The following NRXN1 variants were observed in gnomAD, a reference collection of about 807,000 sequenced individuals.
NRXN1 encodes the protein neurexin-1.
NRXN1 carries 39 observed loss-of-function variants against 150.9 expected under a neutral mutation model. The observed-to-expected ratio is 0.26, with a 90% CI of 0.20 to 0.34. The LOEUF is 0.34. Among genes scored for constraint, NRXN1 ranks in the 10% least tolerant of loss-of-function variants. The pLI, the probability that NRXN1 is intolerant of heterozygous loss-of-function variation, is 1.00. For synonymous variants in NRXN1, 924 were observed against 757.0 expected (o/e 1.22, Z -3.62); for missense variants, 1,815 against 1,949.9 (o/e 0.93, Z 1.30).
chr2:50,107,822 CTT>C (rs1386283344), intron 18 of NRXN1, among the ~76,000 whole-genome samples: 2 of 151,806 alleles, frequency 1.3e-5, no homozygotes, highest in African/African-American at 4.8e-5. Context: ...CCAATTTAGT[CTT>C]TTAAATATAC....
chr2:49,951,595 C>G (rs1292191871), intron 21 of NRXN1, among the ~76,000 whole-genome samples: 1 of 151,976 alleles, frequency 6.6e-6, no homozygotes, highest in Non-Finnish European at 1.5e-5. Flanking sequence ...CTTTGTTTCG[C>G]TTTTGGACAA....
intron 17 of NRXN1, among the ~76,000 whole-genome samples, chr2:50,256,918 A>G (rs151217755): frequency 2.0e-5 from 3 of 152,218 alleles, no homozygotes; most frequent in Middle Eastern, 3.4e-3. Flanking sequence ...GTACAATCCT[A>G]TCCTAGGACG....
At chr2:50,619,715 A>G in intron 8 of NRXN1, 1 of 400,934 alleles carries the variant, frequency 2.5e-6, no homozygotes, top group East Asian at 3.6e-5. Flanking sequence ...CAAGTAAACC[A>G]TTTAGCTCAA....
chr2:50,655,287 T>A (rs1686263437), intron 5 of NRXN1, among the ~76,000 whole-genome samples: 1 of 152,006 alleles, frequency 6.6e-6, no homozygotes, highest in Non-Finnish European at 1.5e-5. Context: ...TTTCAAGTAT[T>A]AATAAAGAAT....
At chr2:50,844,711 G>T (rs758001049) in intron 5 of NRXN1, among the ~76,000 whole-genome samples, 12 of 152,228 alleles carry the variant, frequency 7.9e-5, no homozygotes, top group African/African-American at 1.2e-4. Flanking sequence ...CTGCTTTTTC[G>T]AATAGTCGGT....
chr2:50,026,496 G>A (rs535052588), intron 21 of NRXN1, among the ~76,000 whole-genome samples: 24 of 152,240 alleles, frequency 1.6e-4, no homozygotes, highest in African/African-American at 5.3e-4. Flanking sequence ...GGCAATGTGA[G>A]ATTTATTTAG....
intron 17 of NRXN1, among the ~76,000 whole-genome samples, chr2:50,263,282 G>C (rs569896869): frequency 2.0e-5 from 3 of 151,816 alleles, no homozygotes; most frequent in Non-Finnish European, 2.9e-5. Context: ...TTATTCCTCA[G>C]ATTTGAAAGT....
chr2:50,389,290 T>G (rs1033693685), intron 17 of NRXN1, among the ~76,000 whole-genome samples: 2 of 149,612 alleles, frequency 1.3e-5, no homozygotes, highest in African/African-American at 4.9e-5. Flanking sequence ...ATGTATCTAG[T>G]ATCAGTCTTC....
intron 5 of NRXN1, among the ~76,000 whole-genome samples, chr2:50,744,270 A>G (rs1285868333): frequency 6.6e-6 from 1 of 152,160 alleles, no homozygotes; most frequent in Non-Finnish European, 1.5e-5. Context: ...AGCTAAGGTA[A>G]TATTTGTAAG....
At chr2:49,929,069 G>A (rs1250045018) in intron 22 of NRXN1, among the ~76,000 whole-genome samples, 2 of 152,130 alleles carry the variant, frequency 1.3e-5, no homozygotes, top group Non-Finnish European at 2.9e-5. Flanking sequence ...TGCATTTGAA[G>A]GGCAGTTAAG....
At chr2:51,031,915 A>C (rs1671633376) in intron 1 of NRXN1, 66 bp downstream of exon 1, 1 of 152,166 alleles carries the variant, frequency 6.6e-6, no homozygotes, top group Non-Finnish European at 1.5e-5. Context: ...TACAATGGGG[A>C]AAGATATCCT....
At chr2:50,852,038 C>T (rs1265266122) in intron 5 of NRXN1, among the ~76,000 whole-genome samples, 1 of 152,152 alleles carries the variant, frequency 6.6e-6, no homozygotes, top group Non-Finnish European at 1.5e-5. Context: ...TAGCAATGAT[C>T]TGAAAGGCAA....
At chr2:50,701,660 A>C (rs974497508) in intron 5 of NRXN1, among the ~76,000 whole-genome samples, 1 of 152,186 alleles carries the variant, frequency 6.6e-6, no homozygotes, top group Non-Finnish European at 1.5e-5. Context: ...AATTCATTTA[A>C]TCTTCTACTC....
intron 18 of NRXN1, among the ~76,000 whole-genome samples, chr2:50,145,449 C>T (rs1426881911): frequency 6.6e-6 from 1 of 151,624 alleles, no homozygotes; most frequent in African/African-American, 2.4e-5. Flanking sequence ...ATAATCTAAT[C>T]TAAAAAGTAG....
At chr2:50,227,438 A>T (rs1204651109) in intron 18 of NRXN1, among the ~76,000 whole-genome samples, 2 of 151,990 alleles carry the variant, frequency 1.3e-5, no homozygotes, top group Non-Finnish European at 2.9e-5. Context: ...ACCCTTGCAG[A>T]GCAGTGGGAG....
chr2:50,614,691 G>C (rs535483151), intron 8 of NRXN1, among the ~76,000 whole-genome samples: 1 of 104,178 alleles, frequency 9.6e-6, no homozygotes, highest in Non-Finnish European at 1.9e-5. Flanking sequence ...TCCCCTTTTG[G>C]AAGTAGAAGT....
At chr2:50,756,539 G>T (rs754150518) in intron 5 of NRXN1, among the ~76,000 whole-genome samples, 2 of 151,624 alleles carry the variant, frequency 1.3e-5, no homozygotes, top group Non-Finnish European at 2.9e-5. Flanking sequence ...TTGCATCAGG[G>T]AATCTATTCT....
chr2:50,529,529 A>G (rs1379362759), intron 11 of NRXN1, among the ~76,000 whole-genome samples: 2 of 152,142 alleles, frequency 1.3e-5, no homozygotes, highest in African/African-American at 4.8e-5. Context: ...TTTATTTTAT[A>G]TGTATTTGTT....
intron 17 of NRXN1, among the ~76,000 whole-genome samples, chr2:50,429,621 G>A (rs564185406): frequency 6.6e-6 from 1 of 152,196 alleles, no homozygotes; most frequent in South Asian, 2.1e-4. Context: ...TAGATCAAGA[G>A]TAACTCACAC....
Sources: gnomAD v4.1 joint callset for allele counts (sites outside exome capture counted in the v4.1 genomes callset) on GRCh38, gnomAD v4.1.1 for gene constraint, MANE v1.5 for transcripts, NCBI Gene and HGNC (gene_info 2026-07-23, HGNC 2026-07-21) for gene names.